Variants in KLF15 observed in about 807,000 individuals in gnomAD.
KLF15 encodes the protein Krueppel-like factor 15.
A neutral mutation model predicts 24.6 loss-of-function variants in KLF15; 4 were observed. The ratio of observed to expected loss-of-function variants is 0.16; its 90% CI spans 0.08 to 0.37. The LOEUF (loss-of-function observed/expected upper bound fraction) is 0.37. KLF15 is among the 10% of genes least tolerant of loss of function. The pLI is 1.00. For missense variants in KLF15, 496 were observed against 560.6 expected (o/e 0.88, Z 1.16); for synonymous variants, 246 against 236.3 (o/e 1.04, Z -0.37).
downstream of KLF15, chr3:126,342,558 G>A (rs1170376904): frequency 1.3e-5 from 2 of 152,512 alleles, no homozygotes; most frequent in Admixed American, 1.3e-4. Context: ...CTCTGCGAAG[G>A]TGGAGACATA....
At chr3:126,317,030 C>T in the KLF15 span, among the ~76,000 whole-genome samples, 1 of 152,224 alleles carries the variant, frequency 6.6e-6, no homozygotes, top group South Asian at 2.1e-4. Flanking sequence ...CCTGGGAGCC[C>T]CACTGTGAAT....
chr3:126,354,546 A>G (rs924679560), intron 1 of KLF15, among the ~76,000 whole-genome samples: 2 of 152,146 alleles, frequency 1.3e-5, no homozygotes, highest in African/African-American at 2.4e-5. Flanking sequence ...CCAGTTCCCA[A>G]CTTACCCAGG....
At chr3:126,305,380 A>G in the KLF15 span, among the ~76,000 whole-genome samples, 1 of 152,172 alleles carries the variant, frequency 6.6e-6, no homozygotes, top group Non-Finnish European at 1.5e-5. Flanking sequence ...TTTCATGATT[A>G]CGTTCTGACT....
At chr3:126,313,515 G>A in the KLF15 span, among the ~76,000 whole-genome samples, 3 of 152,168 alleles carry the variant, frequency 2.0e-5, no homozygotes, top group Non-Finnish European at 4.4e-5. Flanking sequence ...TATAAATTTT[G>A]GGGGACATGA....
chr3:126,323,486 TAAC>T, the KLF15 span, among the ~76,000 whole-genome samples: 4 of 58,916 alleles, frequency 6.8e-5, no homozygotes, highest in Non-Finnish European at 1.2e-4. Flanking sequence ...TATATATATA[TAAC>T]ATATATATAT....
the KLF15 span, among the ~76,000 whole-genome samples, chr3:126,300,833 C>G: frequency 6.6e-6 from 1 of 152,162 alleles, no homozygotes; most frequent in African/African-American, 2.4e-5. Context: ...TACAAGTGCA[C>G]CTGGTAGAGG....
chr3:126,294,606 C>T, the KLF15 span, among the ~76,000 whole-genome samples: 1 of 152,272 alleles, frequency 6.6e-6, no homozygotes, highest in South Asian at 2.1e-4. Context: ...AATTTTTTAA[C>T]TGAGCACTTT....
the KLF15 span, among the ~76,000 whole-genome samples, chr3:126,334,048 A>T: frequency 6.6e-6 from 1 of 152,150 alleles, no homozygotes; most frequent in East Asian, 1.9e-4. Flanking sequence ...CCAGGAATTG[A>T]ACTCAGCTCT....
At chr3:126,296,164 T>C in the KLF15 span, among the ~76,000 whole-genome samples, 1 of 152,242 alleles carries the variant, frequency 6.6e-6, no homozygotes, top group East Asian at 1.9e-4. Context: ...TCATTGTTCA[T>C]GTTTCTCAGC....
chr3:126,291,481 A>G, the KLF15 span, among the ~76,000 whole-genome samples: 1 of 152,368 alleles, frequency 6.6e-6, no homozygotes, highest in East Asian at 1.9e-4. Context: ...GAGGGCTGAA[A>G]TTGGACATTG....
chr3:126,337,627 C>T, the KLF15 span, among the ~76,000 whole-genome samples: 1 of 151,702 alleles, frequency 6.6e-6, no homozygotes, highest in Admixed American at 6.6e-5. Context: ...GAAGAAATGT[C>T]TTATTAAGTT....
the KLF15 span, among the ~76,000 whole-genome samples, chr3:126,302,243 A>G: frequency 6.6e-6 from 1 of 152,188 alleles, no homozygotes; most frequent in African/African-American, 2.4e-5. Flanking sequence ...ATGAAAATAG[A>G]CTTTATGTGA....
At chr3:126,337,649 A>G (rs903886993), downstream of KLF15, among the ~76,000 whole-genome samples, 10 of 152,188 alleles carry the variant, frequency 6.6e-5, no homozygotes, top group African/African-American at 2.4e-4. Flanking sequence ...CCTGGGGTGA[A>G]GGGTGGATAT....
the KLF15 span, among the ~76,000 whole-genome samples, chr3:126,300,607 C>A: frequency 6.6e-6 from 1 of 152,244 alleles, no homozygotes; most frequent in African/African-American, 2.4e-5. Flanking sequence ...GGGCTCATCA[C>A]TTGCAGTCCT....
At position 126,352,519 on chromosome 3, in the gene KLF15, C is replaced by A. The variant is rs141580039; in HGVS notation, c.404G>T (p.Arg135Leu). 12 of 1,613,008 alleles carry A rather than the reference C, an allele frequency of 7.4e-6. No individual in the cohort carries two copies. The African/African-American group carries it at 1.6e-4, about 22-fold the overall frequency. ...CTCCTCCAGGGTAGGCTGGAAGGGCCGTGGGACGTCATCAGGATCACCCAA... is the reference window on the plus strand; with the variant it reads ...CTCCTCCAGGGTAGGCTGGAAGGGCAGTGGGACGTCATCAGGATCACCCAA... Reference protein sequence around the residue: ...FPLGDPDDVPRPFQPTLEEIE... With the variant: ...FPLGDPDDVPLPFQPTLEEIE... Residue 135 changes from arginine to leucine, a missense_variant, in exon 2 of 3, where the codon CGG becomes CTG. By Grantham distance (102) the Arg-to-Leu change is moderately radical. Around this residue, in one of 3 missense-constraint regions of KLF15, gnomAD observed 399 missense variants for 423.1 expected, o/e 0.94. Transcript: ENST00000296233.
chr3:126,357,109 C>T (rs1274499087), intron 1 of KLF15, 128 bp downstream of exon 1: 2 of 151,852 alleles, frequency 1.3e-5, no homozygotes, highest in Admixed American at 1.3e-4. Flanking sequence ...TCCGACATTC[C>T]TCCAGCACTC....
the KLF15 span, among the ~76,000 whole-genome samples, chr3:126,297,645 T>C: frequency 2.2e-3 from 336 of 152,358 alleles, 3 homozygotes; most frequent in African/African-American, 7.5e-3. Flanking sequence ...ATTATTCTTA[T>C]GCCTTCGCAT....
chr3:126,315,836 A>G, the KLF15 span, among the ~76,000 whole-genome samples: 3 of 152,184 alleles, frequency 2.0e-5, no homozygotes, highest in Non-Finnish European at 4.4e-5. Context: ...ATAAAAAGCC[A>G]TCATTTTATG....
At chr3:126,347,874 G>T (rs1208466454) in intron 2 of KLF15, among the ~76,000 whole-genome samples, 2 of 152,230 alleles carry the variant, frequency 1.3e-5, no homozygotes, top group Non-Finnish European at 2.9e-5. Flanking sequence ...AGAGGTATGA[G>T]GGGCCTGAGG....
Sources: gnomAD v4.1 joint callset for allele counts (sites outside exome capture counted in the v4.1 genomes callset) on GRCh38, gnomAD v4.1.1 for gene constraint, gnomAD v4.1.1 regional missense constraint, MANE v1.5 for transcripts, NCBI Gene and HGNC (gene_info 2026-07-23, HGNC 2026-07-21) for gene names.